CDH13: variants seen among roughly 807,000 people sequenced by gnomAD.
CDH13 encodes the protein cadherin 13.
In CDH13, 24 loss-of-function variants were observed where a neutral mutation model predicts 63.8. The ratio of observed to expected loss-of-function variants is 0.38; its 90% CI spans 0.27 to 0.53. CDH13 has a LOEUF of 0.53. Among genes scored for constraint, CDH13 ranks in the 20% least tolerant of loss-of-function variants. CDH13 has a pLI of 0.85. For missense variants in CDH13, 1,049 were observed against 903.1 expected (o/e 1.16, Z -2.07); for synonymous variants, 503 against 355.3 (o/e 1.42, Z -4.67).
At chr16:82,661,475 C>T (rs1250391602) in intron 1 of CDH13, among the ~76,000 whole-genome samples, 1 of 152,236 alleles carries the variant, frequency 6.6e-6, no homozygotes, top group Non-Finnish European at 1.5e-5. Context: ...CCGGCTGGTT[C>T]TCATGCCAGG....
At chr16:83,000,547 C>A (rs1238878014) in intron 2 of CDH13, among the ~76,000 whole-genome samples, 1 of 149,648 alleles carries the variant, frequency 6.7e-6, no homozygotes, top group Non-Finnish European at 1.5e-5. Context: ...CTCACCCGAC[C>A]CCAAGGTTGT....
intron 2 of CDH13, chr16:82,884,143 G>T (rs756667004): frequency 2.2e-6 from 1 of 454,440 alleles, no homozygotes; most frequent in Non-Finnish European, 4.4e-6. Flanking sequence ...CTGCATGCAC[G>T]CTGTTTCTTT....
intron 1 of CDH13, among the ~76,000 whole-genome samples, chr16:82,632,386 AGCATGACCAAGGGGACT>A (rs1400278479): frequency 6.6e-6 from 1 of 152,186 alleles, no homozygotes; most frequent in East Asian, 1.9e-4. Context: ...GCTTTGGAAC[AGCATGACCAAGGGGACT>A]GCAGCCCCTC....
chr16:82,934,794 G>T (rs1004341650), intron 2 of CDH13, among the ~76,000 whole-genome samples: 7 of 152,208 alleles, frequency 4.6e-5, no homozygotes, highest in East Asian at 1.9e-4. Flanking sequence ...CTTTGCTTCA[G>T]TTCTCAACAA....
At chr16:83,369,557 T>C (rs1244974679) in intron 6 of CDH13, among the ~76,000 whole-genome samples, 1 of 152,170 alleles carries the variant, frequency 6.6e-6, no homozygotes, top group Non-Finnish European at 1.5e-5. Flanking sequence ...CAGCTAGGAC[T>C]ACAGGTGTGC....
Position 83,159,790 on chromosome 16 carries a change from T to C in CDH13, c.483+34289T>C, listed in dbSNP as rs146237955. The stretch of plus-strand genomic sequence containing the variant: ...GATCGGTTTTTAAATTCTAATATAA[T>C]GCACCTGGGCACGGTGGGTCATGTC... On this transcript the variant is annotated intron_variant, in intron 4 of 13. Transcript: ENST00000567109. Among the ~76,000 whole-genome samples, 166 of 152,260 alleles carry C rather than the reference T, an allele frequency of 1.1e-3. 2 individuals are homozygous for C. The East Asian group carries it at 0.029, about 26-fold the overall frequency.
At chr16:83,691,211 C>T (rs918026723) in intron 10 of CDH13, among the ~76,000 whole-genome samples, 1 of 152,082 alleles carries the variant, frequency 6.6e-6, no homozygotes, top group Non-Finnish European at 1.5e-5. Flanking sequence ...GCTTTGCAAG[C>T]TCGCTGGAGA....
At chr16:82,902,080 T>G (rs1418090092) in intron 2 of CDH13, among the ~76,000 whole-genome samples, 2 of 152,196 alleles carry the variant, frequency 1.3e-5, no homozygotes, top group East Asian at 3.8e-4. Flanking sequence ...TTGGGCTGTT[T>G]GCCTATATCA....
intron 8 of CDH13, among the ~76,000 whole-genome samples, chr16:83,656,493 G>A (rs969363541): frequency 3.9e-5 from 6 of 152,118 alleles, no homozygotes; most frequent in Non-Finnish European, 8.8e-5. Flanking sequence ...TGATTCCTCA[G>A]TAGAGAGGCA....
intron 4 of CDH13, among the ~76,000 whole-genome samples, chr16:83,193,996 C>T (rs186031924): frequency 2.0e-5 from 3 of 152,246 alleles, no homozygotes; most frequent in African/African-American, 4.8e-5. Flanking sequence ...GGGAAGAGTC[C>T]GATGTTTTCA....
intron 6 of CDH13, among the ~76,000 whole-genome samples, chr16:83,370,180 G>C (rs550620784): frequency 1.2e-4 from 18 of 152,306 alleles, no homozygotes; most frequent in African/African-American, 4.1e-4. Flanking sequence ...GAAGTCAGGA[G>C]ATTGAGACCA....
chr16:83,154,545 G>A (rs1054289763), intron 4 of CDH13, among the ~76,000 whole-genome samples: 3 of 147,522 alleles, frequency 2.0e-5, no homozygotes, highest in Non-Finnish European at 3.0e-5. Context: ...CCAACCTGGC[G>A]ACAGAGAGAC....
intron 3 of CDH13, among the ~76,000 whole-genome samples, chr16:83,043,492 T>A (rs905341300): frequency 4.3e-3 from 117 of 27,134 alleles, no homozygotes; most frequent in African/African-American, 0.017. Flanking sequence ...TATATATGAG[T>A]GTGTGTGTGT....
intron 3 of CDH13, among the ~76,000 whole-genome samples, chr16:83,117,373 C>G (rs1225339664): frequency 2.7e-5 from 4 of 150,404 alleles, no homozygotes. Flanking sequence ...CTCCTGCCCC[C>G]TTGGCCCATT....
chr16:83,046,345 A>G (rs1212726405), intron 3 of CDH13, among the ~76,000 whole-genome samples: 1 of 152,184 alleles, frequency 6.6e-6, no homozygotes, highest in East Asian at 1.9e-4. Context: ...GGCCATCAAA[A>G]CATAAGACAA....
chr16:82,841,756 G>A (rs1401696690), intron 1 of CDH13, among the ~76,000 whole-genome samples: 1 of 152,002 alleles, frequency 6.6e-6, no homozygotes, highest in Admixed American at 6.6e-5. Context: ...GTTCATGAAG[G>A]TCCTACAAAA....
intron 1 of CDH13, among the ~76,000 whole-genome samples, chr16:82,787,880 G>A (rs986440193): frequency 1.8e-4 from 10 of 56,394 alleles, no homozygotes; most frequent in South Asian, 6.2e-4. Flanking sequence ...ACATCTTTCC[G>A]GAGAGTTTGA....
At chr16:83,077,355 C>G (rs1211409305) in intron 3 of CDH13, among the ~76,000 whole-genome samples, 6 of 151,570 alleles carry the variant, frequency 4.0e-5, no homozygotes, top group African/African-American at 9.7e-5. Context: ...CCATGCCTGG[C>G]TAATTTATTG....
At chr16:83,567,582 C>T (rs965885610) in intron 7 of CDH13, among the ~76,000 whole-genome samples, 4 of 151,954 alleles carry the variant, frequency 2.6e-5, no homozygotes, top group Non-Finnish European at 4.4e-5. Flanking sequence ...TTTCTTTGTT[C>T]GTCTGTTGTT....
Sources: allele counts gnomAD v4.1 joint callset (sites outside exome capture counted in the v4.1 genomes callset), GRCh38; gene constraint gnomAD v4.1.1; transcripts MANE v1.5; gene names NCBI Gene and HGNC (gene_info 2026-07-23, HGNC 2026-07-21).